Variants in IL18RAP observed in about 807,000 individuals in gnomAD.
IL18RAP encodes interleukin 18 receptor accessory protein.
In IL18RAP, 37 loss-of-function variants were observed where a neutral mutation model predicts 58.1. That is an observed-to-expected ratio of 0.64 (90% CI 0.49 to 0.84). IL18RAP has a LOEUF of 0.84. Ranked by LOEUF, IL18RAP falls within the 40% of genes least tolerant of loss-of-function variation. The probability of loss-of-function intolerance (pLI) is 0.00; values close to 1 mark genes in which losing one functional copy is unlikely to be tolerated. For missense variants in IL18RAP, 667 were observed against 704.8 expected (o/e 0.95, Z 0.61); for synonymous variants, 268 against 257.5 (o/e 1.04, Z -0.39).
At chr2:102,419,275 C>T (rs545286735), upstream of IL18RAP, among the ~76,000 whole-genome samples, 65 of 152,310 alleles carry the variant, frequency 4.3e-4, no homozygotes, top group South Asian at 0.012. Context: ...GGTACTACAG[C>T]TTCATTTTCT....
chr2:102,450,556 G>A (rs1026331952), intron 8 of IL18RAP, among the ~76,000 whole-genome samples: 1 of 152,126 alleles, frequency 6.6e-6, no homozygotes, highest in African/African-American at 2.4e-5. Context: ...GTGCAAAGAA[G>A]GCTCAGAGAA....
intron 4 of IL18RAP, chr2:102,439,056 G>A (rs1334933628): frequency 6.6e-6 from 1 of 152,254 alleles, no homozygotes; most frequent in Non-Finnish European, 1.5e-5. Flanking sequence ...AGAGCATCTG[G>A]GAGTAGGACT....
intron 9 of IL18RAP, 39 bp downstream of exon 9, chr2:102,451,060 G>A (rs1558649463): frequency 6.6e-7 from 1 of 1,524,300 alleles, no homozygotes; most frequent in Non-Finnish European, 8.8e-7. Flanking sequence ...AGTGCAAAAA[G>A]GGCAGTTCAA....
rs1558649177 is a variant in IL18RAP, at chr2:102,450,797, T to A, written c.1211-51T>A. 2.4e-6 allele frequency: 3 copies of A among 1,239,286 alleles called. No homozygotes were observed. In the African/African-American group the frequency reaches 4.5e-5, roughly 19 times the overall value. The allele number at this position is 1,239,286 out of a possible 1,614,324, so 76.8% of individuals were successfully genotyped here. On this transcript the variant is annotated intron_variant, in intron 8 of 9. Transcript: ENST00000687160. ...AGCATATGTATGTGTACCATAACAG[T>A]AAAAAAAAGAGTAAATGACTTATGT...
Position 102,424,265 on chromosome 2 carries a change from A to G in IL18RAP, c.430A>G (p.Ile144Val). ...PYDVACCVKMILEVKPQTNAS... is the reference protein window; with the variant it reads ...PYDVACCVKMVLEVKPQTNAS... ...TGATGTAGCCTGTTGTGTCAAGATGATTTTAGAAGTTAAGCCCCAGACAAA... is the reference window on the plus strand; with the variant it reads ...TGATGTAGCCTGTTGTGTCAAGATGGTTTTAGAAGTTAAGCCCCAGACAAA... Residue 144 changes from isoleucine to valine, a missense_variant, in exon 3 of 10, where the codon ATT (isoleucine) becomes GTT (valine). Transcript: ENST00000687160. The G allele has an allele frequency of 6.2e-7, 1 of 1,614,068 alleles. No homozygotes were observed. The highest frequency in any genetic ancestry group is 1.7e-5 in the Admixed American group (1 of 60,010).
intron 3 of IL18RAP, among the ~76,000 whole-genome samples, chr2:102,424,897 G>C (rs1441441224): frequency 1.3e-5 from 2 of 152,166 alleles, no homozygotes; most frequent in Non-Finnish European, 2.9e-5. Flanking sequence ...CAGATGTCTT[G>C]CACAGGTGAG....
Position 102,445,313 on chromosome 2 carries a change from T to C in IL18RAP, c.1045T>C (p.Ser349Pro). 2 of 1,614,186 alleles carry C rather than the reference T, an allele frequency of 1.2e-6. No individual in the cohort carries two copies. The highest frequency in any genetic ancestry group is 8.5e-7 in the Non-Finnish European group (1 of 1,180,024). ...VQNSIGNTTQ[S>P]VQLKEKRGVV... ...GAACTCCATTGGAAACACAACCCAG[T>C]CCGTCCAACTGAAAGAAAAGAGAGG... Residue 349 changes from serine to proline, a missense_variant, in exon 7 of 10, where the codon TCC (serine) becomes CCC (proline). By Grantham distance (74) the Ser-to-Pro change is moderately conservative. Coordinates refer to ENST00000687160, the MANE Select transcript of IL18RAP (RefSeq NM_001393487.1).
At chr2:102,441,820 G>A (rs930611178) in intron 5 of IL18RAP, among the ~76,000 whole-genome samples, 12 of 152,042 alleles carry the variant, frequency 7.9e-5, no homozygotes, top group Non-Finnish European at 1.0e-4. Flanking sequence ...CCTGGGAGGC[G>A]GAGGTTACAG....
intron 8 of IL18RAP, 148 bp downstream of exon 8, chr2:102,447,355 G>A (rs1683490107): frequency 7.4e-6 from 7 of 940,062 alleles, no homozygotes; most frequent in East Asian, 2.5e-5. Flanking sequence ...GCCAGCCAGG[G>A]CAGAGCATAA....
intron 5 of IL18RAP, among the ~76,000 whole-genome samples, 185 bp downstream of exon 5, chr2:102,441,562 C>T (rs749920487): frequency 3.3e-5 from 5 of 152,138 alleles, no homozygotes; most frequent in African/African-American, 1.2e-4. Flanking sequence ...TACTTAAATC[C>T]GCAAATAGCT....
At chr2:102,448,952 C>CT (rs2104385807) in intron 8 of IL18RAP, among the ~76,000 whole-genome samples, 4 of 120,576 alleles carry the variant, frequency 3.3e-5, no homozygotes, top group South Asian at 5.2e-4. Context: ...CAGAGCGATA[C>CT]CCTATCTCAA....
Position 102,451,936 on chromosome 2 carries a change from GA to G in IL18RAP, c.1556del (p.Glu519GlyfsTer9), listed in dbSNP as rs1162550685. On this transcript the variant is annotated frameshift_variant, in exon 10 of 10. Transcript: ENST00000687160. LOFTEE classifies it low-confidence loss of function (END_TRUNC). ...TTTAATTAAGTTCTGTTACTTCCAA[GA>G]GCCAGAGTCTCTACCTCATCTCGTG... ...LILIKFCYFQ[E>X]PESLPHLVKK... 1 of 1,614,172 alleles carries G rather than the reference GA, an allele frequency of 6.2e-7. No homozygotes were observed. Among genetic ancestry groups the G allele is most frequent in the Non-Finnish European group, 8.5e-7 (1 of 1,180,028 alleles).
intron 4 of IL18RAP, among the ~76,000 whole-genome samples, chr2:102,438,246 G>A (rs1464391589): frequency 6.6e-6 from 1 of 152,066 alleles, no homozygotes; most frequent in Admixed American, 6.6e-5. Context: ...TTTAAATGTG[G>A]TCTAAGAAGT....
chr2:102,445,179 C>T lies in IL18RAP; in HGVS notation c.921-10C>T, dbSNP rs1198714749. The T allele has an allele frequency of 6.2e-7, 1 of 1,611,806 alleles. No homozygotes were observed. The highest frequency in any genetic ancestry group is 2.2e-5 in the East Asian group (1 of 44,840). On this transcript the variant is annotated splice_polypyrimidine_tract_variant and intron_variant, in intron 6 of 9. Transcript: ENST00000687160. ...TACTGAATGGAGTGGTATTTTTTCT[C>T]CTTTCTCAGTATTAAATCCACTTTA... is the stretch of plus-strand genomic sequence containing the variant.
At chr2:102,444,744 G>T (rs894228608) in intron 6 of IL18RAP, among the ~76,000 whole-genome samples, 3 of 152,148 alleles carry the variant, frequency 2.0e-5, no homozygotes, top group African/African-American at 7.2e-5. Context: ...CACCTTCTTT[G>T]CCTTGTCCTT....
Position 102,423,366 on chromosome 2 carries a change from C to T in IL18RAP, c.70+19C>T. The stretch of plus-strand genomic sequence containing the variant: ...ATTTCAGGTAGGGGTTTTCACTTTT[C>T]ATGTTAGCACTGTGAGTCTGTGGTC... On this transcript the variant is annotated intron_variant, in intron 1 of 9. Coordinates refer to ENST00000687160, the MANE Select transcript of IL18RAP (RefSeq NM_001393487.1). 6.3e-7 allele frequency: 1 copy of T among 1,597,546 alleles called. No individual in the cohort carries two copies. The highest frequency in any genetic ancestry group is 8.6e-7 in the Non-Finnish European group (1 of 1,164,894).
rs192408558 is a variant in IL18RAP at position 102,450,289 on chromosome 2, T to A, written c.1211-559T>A. 0.015 allele frequency among the ~76,000 whole-genome samples: 112 copies of A among 7,240 alleles called. No homozygotes were observed. The Middle Eastern group carries it at 0.18, about 12-fold the overall frequency. 4.7% of individuals were successfully genotyped at this position (7,240 alleles called of 152,430 possible). ...ATGGACATTTATCTTGCACCTCCTA[T>A]GAGCCAGGCACCAAGAAGTTCATAT... On this transcript the variant is annotated intron_variant, in intron 8 of 9. Coordinates refer to ENST00000687160, the MANE Select transcript of IL18RAP (RefSeq NM_001393487.1).
chr2:102,443,395 A>C (rs1055777606), intron 6 of IL18RAP, 72 bp downstream of exon 6: 5 of 1,540,768 alleles, frequency 3.2e-6, no homozygotes, highest in Non-Finnish European at 4.4e-6. Context: ...AAATGCCTAA[A>C]GTATACAGTT....
At chr2:102,447,645 T>G (rs1253039429) in intron 8 of IL18RAP, among the ~76,000 whole-genome samples, 1 of 152,124 alleles carries the variant, frequency 6.6e-6, no homozygotes, top group Non-Finnish European at 1.5e-5. Flanking sequence ...TAGCACCAAT[T>G]GCAAAGGATG....
Sources: allele counts gnomAD v4.1 joint callset (sites outside exome capture counted in the v4.1 genomes callset), GRCh38; gene constraint gnomAD v4.1.1; transcripts MANE v1.5; gene names NCBI Gene and HGNC (gene_info 2026-07-23, HGNC 2026-07-21).